The following HMCN1 variants were observed in gnomAD, a reference collection of about 807,000 sequenced individuals.
HMCN1 encodes the protein hemicentin 1.
In HMCN1, 321 loss-of-function variants were observed where a neutral mutation model predicts 625.9. The ratio of observed to expected loss-of-function variants is 0.51; its 90% confidence interval spans 0.47 to 0.56. The LOEUF (loss-of-function observed/expected upper bound fraction) is 0.56. Among genes scored for constraint, HMCN1 ranks in the 20% least tolerant of loss-of-function variants. The pLI is 0.00. For missense variants in HMCN1, 6,588 were observed against 6,887.3 expected, an observed-to-expected ratio of 0.96 and a Z score of 1.54; for synonymous variants, 2,425 against 2,417.6, an observed-to-expected ratio of 1.00 and a Z score of -0.09.
chr1:186,181,746 C>T (rs934917464), intron 104 of HMCN1, among the ~76,000 whole-genome samples: 14 of 152,034 alleles, frequency 9.2e-5, no homozygotes, highest in African/African-American at 3.4e-4. Context: ...ACAATAAAAA[C>T]AAATAGTCCT....
chr1:186,119,063 A>G, intron 77 of HMCN1, 128 bp from the exon 78 acceptor site: 1 of 725,760 alleles, frequency 1.4e-6, no homozygotes, highest in Non-Finnish European at 2.5e-6. Flanking sequence ...ACTTCAGGGG[A>G]TACAAGTATG....
chr1:185,989,387 GT>G lies in HMCN1; in HGVS notation c.3049-94del, dbSNP rs879423262. The G allele has an allele frequency of 7.9e-6, 11 of 1,388,652 alleles. No homozygotes were observed. In the African/African-American group the frequency reaches 8.6e-5, roughly 11 times the overall value. 86.0% of individuals were successfully genotyped at this position (1,388,652 alleles called of 1,614,324 possible). A position where few individuals can be genotyped will look rare whatever the true frequency, so the allele number is the denominator to read the frequency against. ...TTTACTCTATTCCCCTCTTGGAGAT[GT>G]TTTTTTCTCTCTATTCCTCTTCCAG... On this transcript the variant is annotated intron_variant, in intron 20 of 106. Coordinates refer to ENST00000271588, the MANE Select transcript of HMCN1 (RefSeq NM_031935.3).
chr1:186,061,011 A>G (rs944189621), intron 46 of HMCN1, among the ~76,000 whole-genome samples: 1 of 152,002 alleles, frequency 6.6e-6, no homozygotes, highest in Admixed American at 6.6e-5. Context: ...GGGCCCATAC[A>G]ATCTGGCCAT....
chr1:185,962,765 C>T (rs773909824), intron 12 of HMCN1, 106 bp downstream of exon 12: 3 of 762,122 alleles, frequency 3.9e-6, no homozygotes, highest in Non-Finnish European at 7.3e-6. Context: ...GGAGGTTTGA[C>T]CACAATACTT....
chr1:186,040,894 G>C, intron 39 of HMCN1, 119 bp from the exon 40 acceptor site: 1 of 1,074,986 alleles, frequency 9.3e-7, no homozygotes, highest in Non-Finnish European at 1.4e-6. Flanking sequence ...ATGTCCAAGG[G>C]AAAATCTTCC....
intron 1 of HMCN1, among the ~76,000 whole-genome samples, chr1:185,758,961 A>G (rs1393204972): frequency 2.0e-5 from 3 of 152,170 alleles, no homozygotes; most frequent in Non-Finnish European, 4.4e-5. Context: ...TATGCCTGCT[A>G]ATATCAGTCT....
chr1:185,996,802 G>A (rs564835782), intron 24 of HMCN1, among the ~76,000 whole-genome samples: 1 of 152,138 alleles, frequency 6.6e-6, no homozygotes, highest in African/African-American at 2.4e-5. Context: ...AATGGATGAT[G>A]GAGCTGTTCA....
chr1:185,813,295 A>C (rs909628168), intron 1 of HMCN1, among the ~76,000 whole-genome samples: 1 of 152,160 alleles, frequency 6.6e-6, no homozygotes, highest in Non-Finnish European at 1.5e-5. Context: ...AAAATATGAT[A>C]ATAGAAACCA....
chr1:185,885,950 T>C (rs1436400369), intron 4 of HMCN1, among the ~76,000 whole-genome samples: 2 of 152,126 alleles, frequency 1.3e-5, no homozygotes, highest in African/African-American at 4.8e-5. Context: ...GTAGTCTCTT[T>C]ACAATTTTGT....
chr1:186,169,125 C>T (rs556402025), intron 100 of HMCN1, among the ~76,000 whole-genome samples: 2 of 152,086 alleles, frequency 1.3e-5, no homozygotes, highest in Admixed American at 1.3e-4. Flanking sequence ...CATAGTATTC[C>T]GTGGTGTATA....
rs141139389 is a variant in HMCN1 at position 185,805,510 on chromosome 1, A to T, written c.269-40516A>T. Among the ~76,000 whole-genome samples, 856 of 152,308 alleles carry T rather than the reference A, an allele frequency of 5.6e-3. 7 individuals carry two copies. Among genetic ancestry groups the T allele is most frequent in the African/African-American group, 0.02 (812 of 41,572 alleles). On this transcript the variant is annotated intron_variant, in intron 1 of 106. Transcript: ENST00000271588. ...TATTTCATTGGTACTTCTGAGCTTT[A>T]TGGGAATTATAGTTGAGTTTTTGTC...
At chr1:185,982,436 CTTTTCT>C in intron 18 of HMCN1, 47 bp downstream of exon 18, 2 of 1,427,128 alleles carry the variant, frequency 1.4e-6, no homozygotes, top group South Asian at 1.3e-5. Flanking sequence ...TGTGAGTTTT[CTTTTCT>C]TTTTTTTTTT....
intron 53 of HMCN1, 47 bp downstream of exon 53, chr1:186,074,938 C>T (rs1239609455): frequency 1.4e-6 from 2 of 1,451,320 alleles, no homozygotes; most frequent in Non-Finnish European, 9.6e-7. Flanking sequence ...TATGATCTTT[C>T]AAAGTAAAAG....
intron 68 of HMCN1, among the ~76,000 whole-genome samples, chr1:186,096,611 A>G (rs1259118966): frequency 6.6e-6 from 1 of 152,138 alleles, no homozygotes; most frequent in Non-Finnish European, 1.5e-5. Flanking sequence ...ACTACAACCC[A>G]ATATCCCTTA....
At chr1:185,922,031 C>T (rs994563138) in intron 6 of HMCN1, among the ~76,000 whole-genome samples, 3 of 152,282 alleles carry the variant, frequency 2.0e-5, no homozygotes, top group Admixed American at 6.5e-5. Context: ...ATTTGCTAAA[C>T]ATCTACTATG....
chr1:185,802,678 A>C (rs1658879416), intron 1 of HMCN1, among the ~76,000 whole-genome samples: 1 of 152,130 alleles, frequency 6.6e-6, no homozygotes, highest in South Asian at 2.1e-4. Context: ...TGGAGACTGA[A>C]AAGTGCTTAT....
At chr1:185,866,962 G>C (rs910480180) in intron 4 of HMCN1, among the ~76,000 whole-genome samples, 1 of 151,532 alleles carries the variant, frequency 6.6e-6, no homozygotes, top group Non-Finnish European at 1.5e-5. Context: ...TGATTCATGT[G>C]GTCACTGTAT....
At chr1:185,949,912 T>G (rs1434169535) in intron 11 of HMCN1, among the ~76,000 whole-genome samples, 2 of 151,794 alleles carry the variant, frequency 1.3e-5, no homozygotes, top group Non-Finnish European at 2.9e-5. Flanking sequence ...CACTGAGAAG[T>G]TATTTCCTTG....
intron 68 of HMCN1, among the ~76,000 whole-genome samples, chr1:186,099,442 A>G (rs1660289300): frequency 6.6e-6 from 1 of 152,118 alleles, no homozygotes; most frequent in Admixed American, 6.6e-5. Flanking sequence ...CATATCAAGT[A>G]TTAATTATTG....
Sources: allele counts gnomAD v4.1 joint callset (sites outside exome capture counted in the v4.1 genomes callset), GRCh38; gene constraint gnomAD v4.1.1; transcripts MANE v1.5; gene names NCBI Gene and HGNC (gene_info 2026-07-23, HGNC 2026-07-21).